PRSS41: variants seen among roughly 807,000 people sequenced by gnomAD.
PRSS41 encodes protease, serine 41.
PRSS41 carries 37 observed loss-of-function variants against 28.8 expected under a neutral mutation model. The ratio of observed to expected loss-of-function variants is 1.29; its 90% confidence interval spans 0.99 to 1.69. The LOEUF is 1.69. Among genes scored for constraint, PRSS41 ranks in the 40% most tolerant of loss-of-function variants. The pLI, the probability that PRSS41 is intolerant of heterozygous loss-of-function variation, is 0.00. For missense variants in PRSS41, 431 were observed against 400.7 expected (o/e 1.08, Z -0.65); for synonymous variants, 195 against 163.1 (o/e 1.20, Z -1.49).
At chr16:2,802,089 G>T (rs897429206) in intron 4 of PRSS41, among the ~76,000 whole-genome samples, 3 of 151,138 alleles carry the variant, frequency 2.0e-5, no homozygotes, top group Non-Finnish European at 4.4e-5. Flanking sequence ...CCCAGATGGG[G>T]TGGCTGCCGG....
At chr16:2,805,263 C>T in exon 6 of PRSS41, 1 of 682,078 alleles carries the variant, frequency 1.5e-6, no homozygotes, top group Non-Finnish European at 2.5e-6. Flanking sequence ...AGATTCCGGC[C>T]CCTTTTGTCT....
intron 4 of PRSS41, among the ~76,000 whole-genome samples, chr16:2,802,976 A>G (rs1356072329): frequency 6.6e-6 from 1 of 152,214 alleles, no homozygotes; most frequent in Non-Finnish European, 1.5e-5. Flanking sequence ...TCTTTTGGTT[A>G]CTATTTTTAT....
chr16:2,799,092 C>A, exon 3 of PRSS41: 1 of 1,532,870 alleles, frequency 6.5e-7, no homozygotes, highest in South Asian at 1.2e-5. Context: ...TCAGCCGCCG[C>A]TGGGTGCTCT....
chr16:2,799,805 A>AGTG (rs1471893308), intron 4 of PRSS41, among the ~76,000 whole-genome samples: 4 of 152,272 alleles, frequency 2.6e-5, no homozygotes, highest in Non-Finnish European at 5.9e-5. Context: ...CCAGCAGGAC[A>AGTG]GTGTGAGAGG....
chr16:2,802,125 C>T (rs1289291290), intron 4 of PRSS41, among the ~76,000 whole-genome samples: 3 of 150,142 alleles, frequency 2.0e-5, no homozygotes, highest in East Asian at 2.0e-4. Context: ...ACTTCTCAGA[C>T]GGAGTGGTTG....
intron 4 of PRSS41, among the ~76,000 whole-genome samples, chr16:2,799,776 C>T (rs1031303917): frequency 6.6e-6 from 1 of 152,264 alleles, no homozygotes. Flanking sequence ...GTTCTTCCCC[C>T]TTCCAGGGAC....
chr16:2,800,178 G>A (rs1280492928), intron 4 of PRSS41, among the ~76,000 whole-genome samples: 4 of 152,214 alleles, frequency 2.6e-5, no homozygotes, highest in Non-Finnish European at 5.9e-5. Context: ...CAGAGCAGTT[G>A]TAACACACTG....
intron 4 of PRSS41, among the ~76,000 whole-genome samples, chr16:2,803,605 T>A (rs2041764269): frequency 6.6e-6 from 1 of 152,258 alleles, no homozygotes; most frequent in Non-Finnish European, 1.5e-5. Flanking sequence ...ACAATAATAC[T>A]GACTTTTATA....
At chr16:2,801,830 TG>T (rs1424879135) in intron 4 of PRSS41, among the ~76,000 whole-genome samples, 3 of 152,140 alleles carry the variant, frequency 2.0e-5, no homozygotes, top group Non-Finnish European at 4.4e-5. Flanking sequence ...ATTGTCATCA[TG>T]GCCTGTTCTC....
intron 5 of PRSS41, 48 bp downstream of exon 5, chr16:2,804,594 A>T (rs1364850573): frequency 1.7e-5 from 25 of 1,512,694 alleles, no homozygotes; most frequent in Middle Eastern, 4.5e-4. Context: ...CCAGCTCTAC[A>T]CCTGAGAGCA....
At chr16:2,801,148 A>G (rs76740240) in intron 4 of PRSS41, among the ~76,000 whole-genome samples, 1 of 152,196 alleles carries the variant, frequency 6.6e-6, no homozygotes, top group Non-Finnish European at 1.5e-5. Context: ...CGTTTTATCA[A>G]TTATTAATAG....
At chr16:2,804,533 T>C (rs886862234) in exon 5 of PRSS41, 35 of 1,550,748 alleles carry the variant, frequency 2.3e-5, no homozygotes, top group Non-Finnish European at 2.5e-5. Flanking sequence ...GATGGCAGTG[T>C]AGACACCTGC....
chr16:2,801,109 G>A (rs2068982946), intron 4 of PRSS41, among the ~76,000 whole-genome samples: 1 of 152,172 alleles, frequency 6.6e-6, no homozygotes, highest in Admixed American at 6.5e-5. Context: ...AAAGTTCGGG[G>A]ATTACAGGTG....
At chr16:2,804,533 T>G (rs886862234) in exon 5 of PRSS41, 2 of 1,550,866 alleles carry the variant, frequency 1.3e-6, no homozygotes, top group Non-Finnish European at 8.7e-7. Flanking sequence ...GATGGCAGTG[T>G]AGACACCTGC....
chr16:2,802,900 T>C (rs931840404), intron 4 of PRSS41, among the ~76,000 whole-genome samples: 5 of 149,000 alleles, frequency 3.4e-5, no homozygotes, highest in Non-Finnish European at 7.4e-5. Context: ...AGGGACGTTC[T>C]TGGACTCTTA....
At chr16:2,800,820 CTTT>C (rs2068981067) in intron 4 of PRSS41, among the ~76,000 whole-genome samples, 1 of 152,142 alleles carries the variant, frequency 6.6e-6, no homozygotes, top group African/African-American at 2.4e-5. Flanking sequence ...GCTATTTTAA[CTTT>C]TTTACTGTTT....
exon 4 of PRSS41, chr16:2,799,415 G>A (rs1299976531): frequency 6.4e-7 from 1 of 1,552,160 alleles, no homozygotes; most frequent in East Asian, 2.4e-5. Context: ...ACGCACTTGG[G>A]GTTTTACGCA....
intron 4 of PRSS41, 135 bp from the exon 5 acceptor site, chr16:2,804,254 C>T (rs767203699): frequency 1.1e-6 from 1 of 875,158 alleles, no homozygotes; most frequent in African/African-American, 1.7e-5. Context: ...GCTGGGGAGT[C>T]AAGAGCAATG....
At chr16:2,801,333 CTTAT>C (rs939215775) in intron 4 of PRSS41, among the ~76,000 whole-genome samples, 22 of 149,082 alleles carry the variant, frequency 1.5e-4, no homozygotes, top group Non-Finnish European at 2.7e-4. Context: ...TTCTTGGACT[CTTAT>C]TTTTTTTTTT....
Sources: allele counts gnomAD v4.1 joint callset (sites outside exome capture counted in the v4.1 genomes callset), GRCh38; gene constraint gnomAD v4.1.1; transcripts MANE v1.5; gene names NCBI Gene and HGNC (gene_info 2026-07-23, HGNC 2026-07-21).